The following ST3GAL1 variants were observed in gnomAD, a reference collection of about 807,000 sequenced individuals.
ST3GAL1 encodes the protein CMP-N-acetylneuraminate-beta-galactosamide-alpha-2,3-sialyltransferase 1.
A neutral mutation model predicts 34.1 loss-of-function variants in ST3GAL1; 16 were observed. That is an observed-to-expected ratio of 0.47 (90% confidence interval 0.32 to 0.71). The LOEUF (loss-of-function observed/expected upper bound fraction) is 0.71, where lower values mean the gene tolerates loss of function less well. ST3GAL1 is among the 30% of genes least tolerant of loss of function. The pLI, the probability that ST3GAL1 is intolerant of heterozygous loss-of-function variation, is 0.04. For synonymous variants in ST3GAL1, 191 were observed against 184.7 expected, an observed-to-expected ratio of 1.03 and a Z score of -0.28; for missense variants, 353 against 447.4, an observed-to-expected ratio of 0.79 and a Z score of 1.90.
chr8:133,544,701 A>G (rs1444259452), intron 2 of ST3GAL1, among the ~76,000 whole-genome samples: 1 of 152,198 alleles, frequency 6.6e-6, no homozygotes, highest in East Asian at 1.9e-4. Flanking sequence ...TTGCATAAAT[A>G]AAACTAATAA....
intron 8 of ST3GAL1, among the ~76,000 whole-genome samples, chr8:133,462,926 T>C (rs1279341395): frequency 6.6e-6 from 1 of 152,152 alleles, no homozygotes; most frequent in East Asian, 1.9e-4. Context: ...TTTGATAGAG[T>C]ATGCAAAAGG....
chr8:133,477,648 T>A (rs1390970215), intron 3 of ST3GAL1, among the ~76,000 whole-genome samples: 1 of 152,076 alleles, frequency 6.6e-6, no homozygotes, highest in East Asian at 1.9e-4. Context: ...GAGTATTCTT[T>A]TGAAGAAGGC....
chr8:133,507,391 G>A (rs1055990990), intron 2 of ST3GAL1, among the ~76,000 whole-genome samples: 4 of 152,288 alleles, frequency 2.6e-5, no homozygotes, highest in African/African-American at 7.2e-5. Context: ...CGCCCATGGC[G>A]ATGGTAGGGA....
rs201300168 is a variant in ST3GAL1 at position 133,475,899 on chromosome 8, C to A, written c.126G>T (p.Met42Ile). The change falls in exon 5 of 10, where the codon ATG becomes ATT. Residue 42 changes from methionine to isoleucine, a missense_variant. Met to Ile is a conservative substitution (Grantham distance 10, BLOSUM62 1). Transcript: ENST00000522652. ...MVATTWFPKQ[M>I]VLELSENLKR... ...TCAGGTTCTCGGAGAGCTCCAGGAC[C>A]ATCTGCTTGGGGAACCAGGTGGTGG... 2.5e-6 allele frequency: 4 copies of A among 1,614,092 alleles called. No homozygotes were observed. Among genetic ancestry groups the A allele is most frequent in the African/African-American group, 1.3e-5 (1 of 75,010 alleles).
At chr8:133,516,143 A>G in intron 2 of ST3GAL1, 1 of 152,200 alleles carries the variant, frequency 6.6e-6, no homozygotes, top group East Asian at 1.9e-4. Flanking sequence ...GGCATGAGCC[A>G]TTGCACTGGT....
intron 5 of ST3GAL1, among the ~76,000 whole-genome samples, chr8:133,471,612 G>C (rs1815965400): frequency 6.6e-6 from 1 of 152,202 alleles, no homozygotes. Flanking sequence ...TCCTGGGCCT[G>C]ACTCCAGACC....
At chr8:133,499,885 G>C (rs942835124) in intron 2 of ST3GAL1, among the ~76,000 whole-genome samples, 2 of 152,174 alleles carry the variant, frequency 1.3e-5, no homozygotes, top group African/African-American at 4.8e-5. Context: ...TCGCAACAGG[G>C]CTGGGGGCAG....
rs760461140 is a variant in ST3GAL1, at chr8:133,459,895, G to T, written c.892C>A (p.His298Asn). The T allele has an allele frequency of 5.0e-6, 8 of 1,613,978 alleles. No individual in the cohort carries two copies. Among genetic ancestry groups the T allele is most frequent in the South Asian group, 2.2e-5 (2 of 91,054 alleles). Residue 298 changes from histidine to asparagine, a missense_variant, in exon 10 of 10, where the codon CAC becomes AAC. His to Asn is a moderately conservative substitution (Grantham distance 68). Coordinates refer to ENST00000522652, the MANE Select transcript of ST3GAL1 (RefSeq NM_173344.3). This position sits in a 1 kb window ranked among gnomAD's most constrained non-coding sequence, Gnocchi z 4.7. ...GATGGGTTGTTCTCCCAGTAGTGGT[G>T]CCAGTTCCCTTTGCTGTCTGCCCCG... ...GFGADSKGNW[H>N]HYWENNPSAG...
chr8:133,540,934 C>CAT lies in ST3GAL1; in HGVS notation c.-429+4838_-429+4839dup, dbSNP rs751280527. ...ATATATATAGACATATATATATAGA[C>CAT]ATATATAGACATATATATAGACATA... On this transcript the variant is annotated intron_variant, in intron 2 of 9. Transcript: ENST00000522652. 3.2e-3 allele frequency among the ~76,000 whole-genome samples: 165 copies of CAT among 51,326 alleles called. 3 individuals carry two copies. Among genetic ancestry groups the CAT allele is most frequent in the East Asian group, 0.015 (20 of 1,376 alleles). 33.7% of individuals were successfully genotyped at this position (51,326 alleles called of 152,430 possible). A position where few individuals can be genotyped will look rare whatever the true frequency, so the allele number is the denominator to read the frequency against.
At position 133,488,874 on chromosome 8, in the gene ST3GAL1, G is replaced by T. The variant is rs371902617; in HGVS notation, c.-374+10261C>A. On this transcript the variant is annotated intron_variant, in intron 3 of 9. Coordinates refer to ENST00000522652, the MANE Select transcript of ST3GAL1 (RefSeq NM_173344.3). ...TGCAGCGGCACTGGCAGACAGGGGG[G>T]GCCAGGCAAGGTCTGGTGGCCCCCC... Among the ~76,000 whole-genome samples the T allele has an allele frequency of 7.0e-3, 1,065 of 152,120 alleles. 6 individuals are homozygous for T. Among genetic ancestry groups the T allele is most frequent in the African/African-American group, 0.024 (1,006 of 41,472 alleles).
chr8:133,459,998 A>G lies in ST3GAL1; in HGVS notation c.850-61T>C. On this transcript the variant is annotated intron_variant, in intron 9 of 9. Transcript: ENST00000522652. The surrounding 1 kb of genome is among the most constrained non-coding windows in gnomAD (Gnocchi z 4.7). Reference sequence around the variant, plus strand: ...AGGGCTGCTGGTGGCACCTCTGAGAAAGGAAGCCTGTAGGCGTTCCTGGAA... The same window carrying G: ...AGGGCTGCTGGTGGCACCTCTGAGAGAGGAAGCCTGTAGGCGTTCCTGGAA... 1 of 1,532,586 alleles carries G rather than the reference A, an allele frequency of 6.5e-7. No homozygotes were observed. Among genetic ancestry groups the G allele is most frequent in the South Asian group, 1.2e-5 (1 of 80,466 alleles). 94.9% of individuals were successfully genotyped at this position (1,532,586 alleles called of 1,614,324 possible). A position where few individuals can be genotyped will look rare whatever the true frequency, so the allele number is the denominator to read the frequency against.
intron 1 of ST3GAL1, among the ~76,000 whole-genome samples, chr8:133,561,811 A>G (rs981465413): frequency 1.3e-5 from 2 of 151,990 alleles, no homozygotes; most frequent in Non-Finnish European, 2.9e-5. Flanking sequence ...GATCAAGTCA[A>G]CTCACTGTGC....
At chr8:133,512,134 T>C (rs1817514739) in intron 2 of ST3GAL1, among the ~76,000 whole-genome samples, 1 of 152,076 alleles carries the variant, frequency 6.6e-6, no homozygotes, top group Non-Finnish European at 1.5e-5. Flanking sequence ...GTCTGCAAGT[T>C]GAAAATCAAG....
At chr8:133,525,604 G>A (rs1817946751) in intron 2 of ST3GAL1, among the ~76,000 whole-genome samples, 1 of 152,152 alleles carries the variant, frequency 6.6e-6, no homozygotes, top group South Asian at 2.1e-4. Context: ...CAGCACCCAG[G>A]CTGTGCATGC....
At chr8:133,512,104 G>A (rs918311478) in intron 2 of ST3GAL1, among the ~76,000 whole-genome samples, 3 of 152,048 alleles carry the variant, frequency 2.0e-5, no homozygotes, top group Non-Finnish European at 4.4e-5. Context: ...CCATCACAAG[G>A]TAAAGTCCCA....
At position 133,455,648 on chromosome 8, in the gene ST3GAL1, G is replaced by A. The variant is rs376498104; in HGVS notation, c.*4116C>T. ...CTGCGATGGATATAATGATACCCCC[G>A]GGGCTCTTCTCAGGGGTGAGGACAG... On this transcript the variant is annotated 3_prime_UTR_variant, in exon 10 of 10. Coordinates refer to ENST00000522652, the MANE Select transcript of ST3GAL1 (RefSeq NM_173344.3). 23 of 152,398 alleles carry A rather than the reference G, an allele frequency of 1.5e-4. No individual in the cohort carries two copies. The East Asian group carries it at 3.7e-3, about 24-fold the overall frequency. The allele number at this position is 152,398 out of a possible 1,614,324, so 9.4% of individuals were successfully genotyped here. A position where few individuals can be genotyped will look rare whatever the true frequency, so the allele number is the denominator to read the frequency against.
intron 2 of ST3GAL1, among the ~76,000 whole-genome samples, chr8:133,519,793 T>C (rs541206948): frequency 7.1e-6 from 1 of 140,908 alleles, no homozygotes; most frequent in South Asian, 2.3e-4. Context: ...TAAAAAAAAA[T>C]ACAAACATTA....
chr8:133,465,012 C>G, intron 6 of ST3GAL1, 55 bp from the exon 7 acceptor site: 3 of 1,553,404 alleles, frequency 1.9e-6, no homozygotes, highest in South Asian at 1.2e-5. Context: ...CGTTCTCAGA[C>G]AGCCTGAGAG....
At chr8:133,477,062 T>A (rs560471014) in intron 3 of ST3GAL1, among the ~76,000 whole-genome samples, 5 of 152,214 alleles carry the variant, frequency 3.3e-5, no homozygotes, top group African/African-American at 1.2e-4. Context: ...GCTCTGCCAA[T>A]TGGCCTCAGT....
Sources: gnomAD v4.1 joint callset for allele counts (sites outside exome capture counted in the v4.1 genomes callset) on GRCh38, gnomAD v4.1.1 for gene constraint, Gnocchi (gnomAD v3.1) non-coding constraint, MANE v1.5 for transcripts, NCBI Gene and HGNC (gene_info 2026-07-23, HGNC 2026-07-21) for gene names.